Variants in TBCK observed in about 807,000 individuals in gnomAD.
TBCK encodes TBC domain-containing protein kinase-like protein.
A neutral mutation model predicts 113.4 loss-of-function variants in TBCK; 99 were observed. The observed-to-expected ratio is 0.87, with a 90% confidence interval of 0.74 to 1.03. The LOEUF (loss-of-function observed/expected upper bound fraction) is 1.03, where lower values mean the gene tolerates loss of function less well. Ranked by LOEUF, TBCK falls within the 50% of genes least tolerant of loss-of-function variation. The pLI, the probability that TBCK is intolerant of heterozygous loss-of-function variation, is 0.00. For synonymous variants in TBCK, 369 were observed against 370.8 expected, an observed-to-expected ratio of 1.00 and a Z score of 0.05; for missense variants, 1,045 against 1,061.3, an observed-to-expected ratio of 0.98 and a Z score of 0.21.
In TBCK at chr4:106,194,700, G is replaced by A. The variant is rs146770919; in HGVS notation, c.1897+18C>T. 2.2e-4 allele frequency: 344 copies of A among 1,588,752 alleles called. No individual in the cohort carries two copies. In the African/African-American group the frequency reaches 3.8e-3, roughly 17 times the overall value. ...TTGCTAATACAATATCAAAAAAACCGGGGGAAGTCATACTTACGAGTAAAC... is the reference window on the plus strand; with the variant it reads ...TTGCTAATACAATATCAAAAAAACCAGGGGAAGTCATACTTACGAGTAAAC... On this transcript the variant is annotated intron_variant, in intron 21 of 25. Coordinates refer to ENST00000394708, the MANE Select transcript of TBCK (RefSeq NM_001163435.3).
At chr4:106,284,454 G>A (rs562671578) in intron 3 of TBCK, among the ~76,000 whole-genome samples, 3 of 152,202 alleles carry the variant, frequency 2.0e-5, no homozygotes, top group South Asian at 2.1e-4. Context: ...GTAAACAGCT[G>A]CAGACATAGT....
At chr4:106,107,876 G>A (rs1353801908) in intron 24 of TBCK, among the ~76,000 whole-genome samples, 2 of 151,972 alleles carry the variant, frequency 1.3e-5, no homozygotes, top group Non-Finnish European at 2.9e-5. Flanking sequence ...TAACAAGATA[G>A]GCCACTAGCT....
At chr4:106,080,591 C>G (rs540528812) in intron 25 of TBCK, among the ~76,000 whole-genome samples, 6 of 152,132 alleles carry the variant, frequency 3.9e-5, no homozygotes, top group African/African-American at 1.4e-4. Context: ...CTTGGCAATA[C>G]CATTCTGGGC....
intron 25 of TBCK, among the ~76,000 whole-genome samples, chr4:106,060,054 A>G (rs1735865832): frequency 2.0e-5 from 3 of 151,784 alleles, no homozygotes; most frequent in Admixed American, 2.0e-4. Flanking sequence ...TGGAGAAGAA[A>G]AGTTGGAAGC....
intron 25 of TBCK, among the ~76,000 whole-genome samples, chr4:106,090,339 G>A (rs998533002): frequency 1.3e-5 from 2 of 152,224 alleles, no homozygotes; most frequent in Non-Finnish European, 2.9e-5. Context: ...GTGCAGGGAA[G>A]TGGGGTCCTG....
chr4:106,156,305 C>T (rs369789468), intron 23 of TBCK, among the ~76,000 whole-genome samples: 12 of 152,256 alleles, frequency 7.9e-5, no homozygotes, highest in African/African-American at 2.9e-4. Flanking sequence ...ACCACTGGTA[C>T]CACACTGAAT....
rs1393671493 is a variant in TBCK, at chr4:106,295,124, T to A, written c.236A>T (p.Glu79Val). The A allele has an allele frequency of 1.2e-6, 2 of 1,613,662 alleles. No homozygotes were observed. The highest frequency in any genetic ancestry group is 8.5e-7 in the Non-Finnish European group (1 of 1,179,736). ...AGGTTTCCTTTCTCGAAGCAAGTCT[T>A]CCAGACTACGTTCACAATGTTCAGC... ...VVAEHCERSLEDLLRERKPVS... is the reference protein window; with the variant it reads ...VVAEHCERSLVDLLRERKPVS... Residue 79 changes from glutamate (E) to valine (V), a missense_variant, in exon 3 of 26, where the codon GAA (glutamate) becomes GTA (valine). Glu to Val is a moderately radical substitution (Grantham distance 121, BLOSUM62 -2). Coordinates refer to ENST00000394708, the MANE Select transcript of TBCK (RefSeq NM_001163435.3).
At chr4:106,208,700 T>G (rs929154548) in intron 20 of TBCK, among the ~76,000 whole-genome samples, 2 of 152,084 alleles carry the variant, frequency 1.3e-5, no homozygotes, top group Admixed American at 6.5e-5. Flanking sequence ...AAACGGCAAG[T>G]GCAAACAAAG....
intron 19 of TBCK, among the ~76,000 whole-genome samples, chr4:106,217,301 C>T (rs1339135006): frequency 2.6e-5 from 4 of 152,086 alleles, no homozygotes; most frequent in African/African-American, 9.7e-5. Flanking sequence ...CCTTTGAAAA[C>T]TGGCACAAGA....
chr4:106,063,369 A>G (rs1251107831), intron 25 of TBCK, among the ~76,000 whole-genome samples: 1 of 151,968 alleles, frequency 6.6e-6, no homozygotes, highest in Non-Finnish European at 1.5e-5. Context: ...AGAACAGGTA[A>G]AAAGACCCAT....
At chr4:106,249,473 C>G (rs1265364449) in intron 7 of TBCK, among the ~76,000 whole-genome samples, 2 of 152,128 alleles carry the variant, frequency 1.3e-5, no homozygotes, top group South Asian at 4.1e-4. Flanking sequence ...CTTGAGTACA[C>G]ATGGATTTTG....
chr4:106,294,288 C>T (rs1360611741), intron 3 of TBCK, among the ~76,000 whole-genome samples: 1 of 151,324 alleles, frequency 6.6e-6, no homozygotes, highest in Non-Finnish European at 1.5e-5. Flanking sequence ...CCCGCGGGTT[C>T]AAGCAATTCT....
At chr4:106,229,031 T>C (rs1758551190) in intron 19 of TBCK, among the ~76,000 whole-genome samples, 1 of 152,104 alleles carries the variant, frequency 6.6e-6, no homozygotes, top group South Asian at 2.1e-4. Flanking sequence ...CTGTTTGCCA[T>C]GTGTATGTCT....
chr4:106,217,431 C>A (rs1478679988), intron 19 of TBCK, among the ~76,000 whole-genome samples: 1 of 152,124 alleles, frequency 6.6e-6, no homozygotes, highest in Non-Finnish European at 1.5e-5. Context: ...TCAAATTGTC[C>A]CTGTTTGCAG....
intron 22 of TBCK, among the ~76,000 whole-genome samples, chr4:106,192,804 G>C (rs1217350129): frequency 6.6e-6 from 1 of 151,638 alleles, no homozygotes; most frequent in African/African-American, 2.4e-5. Context: ...TTGGTTTTCA[G>C]GCAAATTTGA....
At chr4:106,289,780 G>GA (rs78336547) in intron 3 of TBCK, among the ~76,000 whole-genome samples, 3,977 of 130,794 alleles carry the variant, frequency 0.03, 174 homozygotes, top group African/African-American at 0.1. Context: ...AAAAAAAAAA[G>GA]AAAAAAAAAA....
intron 20 of TBCK, among the ~76,000 whole-genome samples, chr4:106,200,238 C>T (rs1754724400): frequency 6.6e-6 from 1 of 152,108 alleles, no homozygotes; most frequent in African/African-American, 2.4e-5. Flanking sequence ...TCTTGGTTAC[C>T]TTACTTATTT....
chr4:106,302,470 G>A (rs185174925), intron 2 of TBCK, among the ~76,000 whole-genome samples: 5 of 152,296 alleles, frequency 3.3e-5, no homozygotes, highest in Admixed American at 2.0e-4. Context: ...ATAGAGGCCC[G>A]TTTAGGTAGA....
rs1377780005 is a variant in TBCK, at chr4:106,042,764, AATTC to A, written c.*3802_*3805del. On this transcript the variant is annotated 3_prime_UTR_variant, in exon 26 of 26. Coordinates refer to ENST00000394708, the MANE Select transcript of TBCK (RefSeq NM_001163435.3). ...ACTGTGTCCTCTAAAAGTTTTATAT[AATTC>A]ATTGTTTTCCTTTTAAAGTGCACTA... The A allele has an allele frequency of 6.6e-6, 1 of 152,158 alleles. No individual in the cohort carries two copies. Among genetic ancestry groups the A allele is most frequent in the African/African-American group, 2.4e-5 (1 of 41,428 alleles). 9.4% of individuals were successfully genotyped at this position (152,158 alleles called of 1,614,324 possible).
Sources: gnomAD v4.1 joint callset for allele counts (sites outside exome capture counted in the v4.1 genomes callset) on GRCh38, gnomAD v4.1.1 for gene constraint, MANE v1.5 for transcripts, NCBI Gene and HGNC (gene_info 2026-07-23, HGNC 2026-07-21) for gene names.